The following MYH7B variants were observed in gnomAD, a reference collection of about 807,000 sequenced individuals.
MYH7B encodes myosin-7B.
MYH7B carries 205 observed loss-of-function variants against 234.5 expected under a neutral mutation model. The ratio of observed to expected loss-of-function variants is 0.87; its 90% CI spans 0.78 to 0.98. The LOEUF (loss-of-function observed/expected upper bound fraction) is 0.98, where lower values mean the gene tolerates loss of function less well. MYH7B is among the 50% of genes least tolerant of loss of function. The pLI, the probability that MYH7B is intolerant of heterozygous loss-of-function variation, is 0.00. For synonymous variants in MYH7B, 1,193 were observed against 1,105.0 expected (o/e 1.08, Z -1.58); for missense variants, 2,652 against 2,633.4 (o/e 1.01, Z -0.15).
In MYH7B at chr20:34,980,785, G is replaced by T. The variant is rs377012586; in HGVS notation, c.499+51G>T. ...AACCGCAGACCCCGACCTCGGTCCCGGGAGGCCTCTGTAAGGGACCCCCTT... is the reference window on the plus strand; with the variant it reads ...AACCGCAGACCCCGACCTCGGTCCCTGGAGGCCTCTGTAAGGGACCCCCTT... On this transcript the variant is annotated intron_variant, in intron 8 of 44. Coordinates refer to ENST00000262873, the Ensembl canonical transcript of MYH7B. The T allele has an allele frequency of 4.4e-6, 7 of 1,596,192 alleles. No individual in the cohort carries two copies. The Admixed American group carries it at 1.0e-4, about 23-fold the overall frequency.
chr20:34,966,008 G>A (rs983272740), intron 2 of MYH7B, among the ~76,000 whole-genome samples: 2 of 151,674 alleles, frequency 1.3e-5, no homozygotes, highest in Admixed American at 1.3e-4. Flanking sequence ...TCTTCTTGCT[G>A]TCCCTGAGAA....
intron 28 of MYH7B, 143 bp downstream of exon 28, chr20:34,995,721 C>A (rs1304899746): frequency 7.5e-7 from 1 of 1,341,996 alleles, no homozygotes; most frequent in African/African-American, 1.5e-5. Context: ...GCCTCAGTTT[C>A]TTTATCTGTC....
Position 34,997,181 on chromosome 20 carries a change from G to T in MYH7B, c.3357+8G>T. ...AAGATCAAGGAGCTGCAGGTGCGTG[G>T]GGATCGGGTGGGTGAGGCCTGGGGT... is the stretch of plus-strand genomic sequence containing the variant. On this transcript the variant is annotated splice_region_variant and intron_variant, in intron 31 of 44. Coordinates refer to ENST00000262873, the Ensembl canonical transcript of MYH7B. 6.5e-7 allele frequency: 1 copy of T among 1,550,292 alleles called. No individual in the cohort carries two copies. Among genetic ancestry groups the T allele is most frequent in the Admixed American group, 2.0e-5 (1 of 51,038 alleles).
chr20:35,001,542 C>G lies in MYH7B; in HGVS notation c.5676+16C>G. The G allele has an allele frequency of 6.3e-7, 1 of 1,582,378 alleles. No homozygotes were observed. Among genetic ancestry groups the G allele is most frequent in the Non-Finnish European group, 8.6e-7 (1 of 1,163,828 alleles). On this transcript the variant is annotated intron_variant, in intron 43 of 44. Transcript: ENST00000262873. ...TGAGGAGGCGGTGAGTGCGCTGGGG[C>G]CTGGACACCTGGACCGGGCACCCCA...
chr20:34,998,045 C>G lies in MYH7B; in HGVS notation c.3748-250C>G, dbSNP rs564708238. The stretch of plus-strand genomic sequence containing the variant: ...CTCTGACCATTGTCCCCAGGTGACT[C>G]CGCAGCTACCATCCCAACTCTCACC... On this transcript the variant is annotated intron_variant, in intron 32 of 44. Transcript: ENST00000262873. 7.2e-5 allele frequency among the ~76,000 whole-genome samples: 11 copies of G among 152,306 alleles called. No homozygotes were observed. The South Asian group carries it at 2.1e-3, about 29-fold the overall frequency.
At chr20:35,001,046 G>A (rs763076910) in exon 41 of MYH7B, 27 of 1,613,758 alleles carry the variant, frequency 1.7e-5, no homozygotes, top group Non-Finnish European at 2.1e-5. Context: ...CACCTGGAAC[G>A]GATGAAGAAG....
chr20:34,956,334 C>T (rs2081633523), intron 1 of MYH7B, among the ~76,000 whole-genome samples: 1 of 152,146 alleles, frequency 6.6e-6, no homozygotes, highest in African/African-American at 2.4e-5. Context: ...ATGCTGAAGT[C>T]AGGACTGTTT....
chr20:34,980,718 C>A lies in MYH7B; in HGVS notation c.483C>A (p.Tyr161Ter), dbSNP rs2147175634. ...TATATGCGGTGGCGGACAACGCCTA[C>A]AACGACATGCTGCGCAGTAAGGGCC... is the stretch of plus-strand genomic sequence containing the variant. Residue 161 changes from tyrosine to a stop codon, truncating the protein, a stop_gained, in exon 8 of 45, where the codon TAC becomes TAA. Transcript: ENST00000262873. LOFTEE classifies it high-confidence loss of function. The A allele has an allele frequency of 1.9e-6, 3 of 1,614,126 alleles. No homozygotes were observed. The highest frequency in any genetic ancestry group is 2.2e-5 in the South Asian group (2 of 91,084).
intron 2 of MYH7B, among the ~76,000 whole-genome samples, chr20:34,968,680 G>C (rs921066317): frequency 1.3e-5 from 2 of 152,202 alleles, no homozygotes; most frequent in Non-Finnish European, 2.9e-5. Flanking sequence ...GACCCCTGGG[G>C]GTACATCTTC....
intron 2 of MYH7B, among the ~76,000 whole-genome samples, chr20:34,971,134 G>A (rs917592703): frequency 2.0e-5 from 3 of 152,182 alleles, no homozygotes; most frequent in Non-Finnish European, 4.4e-5. Context: ...CGAAGTGAGA[G>A]GTTGTGCTGT....
intron 2 of MYH7B, among the ~76,000 whole-genome samples, chr20:34,969,286 G>T (rs1298729479): frequency 6.6e-6 from 1 of 152,102 alleles, no homozygotes; most frequent in African/African-American, 2.4e-5. Flanking sequence ...GATCATGCTG[G>T]AAGTGACCCT....
chr20:35,002,128 T>C, intron 44 of MYH7B, 43 bp downstream of exon 44: 1 of 1,608,442 alleles, frequency 6.2e-7, no homozygotes, highest in Non-Finnish European at 8.5e-7. Context: ...AGGGGGACTG[T>C]GGGGGCTGAC....
intron 19 of MYH7B, among the ~76,000 whole-genome samples, chr20:34,988,551 G>A (rs1050748725): frequency 6.6e-6 from 1 of 152,060 alleles, no homozygotes. Flanking sequence ...GCTCCTCCTG[G>A]GTGCTCAGAA....
At position 34,999,115 on chromosome 20, in the gene MYH7B, A is replaced by G. The variant is rs1315030580; in HGVS notation, c.4250A>G (p.Lys1417Arg). ...GAGGGCGTGGAGGCTGCCAACGCCA[A>G]GTGCTCATCGTTGGAGAAGGCCAAG... is the stretch of plus-strand genomic sequence containing the variant. The change falls in exon 36 of 45, where the codon AAG becomes AGG. Residue 1417 changes from lysine to arginine, a missense_variant. This residue lies in a region of MYH7B where 2,279 missense variants were observed against 2,211.4 expected (regional missense o/e 1.03). Coordinates refer to ENST00000262873, the Ensembl canonical transcript of MYH7B. The G allele has an allele frequency of 1.4e-5, 22 of 1,613,446 alleles. No homozygotes were observed. In the Admixed American group the frequency reaches 3.7e-4, roughly 27 times the overall value.
At chr20:34,977,738 G>GGGGGGGGGGGGGGGGGGGGGGCCCCCC in intron 4 of MYH7B, 58 bp downstream of exon 4, 1 of 317,150 alleles carries the variant, frequency 3.2e-6, no homozygotes, top group Non-Finnish European at 5.9e-6. Flanking sequence ...GGGCGGGTGG[G>GGGGGGGGGGGGGGGGGGGGGGCCCCCC]TGAGGGTGCC....
At chr20:34,976,613 TGGGGATCTGAA>T (rs1169324911) in intron 3 of MYH7B, among the ~76,000 whole-genome samples, 1 of 152,186 alleles carries the variant, frequency 6.6e-6, no homozygotes, top group Non-Finnish European at 1.5e-5. Flanking sequence ...ATCTTCAATG[TGGGGATCTGAA>T]GGGGCTCCTA....
exon 32 of MYH7B, chr20:34,997,504 C>T (rs1433415423): frequency 5.1e-6 from 8 of 1,580,188 alleles, no homozygotes; most frequent in African/African-American, 2.7e-5. Context: ...CGCAAGCAGG[C>T]GGAGGGCGCG....
exon 39 of MYH7B, chr20:35,000,617 C>A (rs369815363): frequency 1.3e-6 from 2 of 1,573,080 alleles, no homozygotes; most frequent in Non-Finnish European, 1.7e-6. Flanking sequence ...TGGAGCAGGG[C>A]GAGCGCAGCC....
intron 2 of MYH7B, among the ~76,000 whole-genome samples, chr20:34,966,651 T>G (rs1441080767): frequency 6.6e-6 from 1 of 152,168 alleles, no homozygotes; most frequent in Non-Finnish European, 1.5e-5. Context: ...CATGTAAAAC[T>G]GGGAAAATCT....
Sources: allele counts gnomAD v4.1 joint callset (sites outside exome capture counted in the v4.1 genomes callset), GRCh38; gene constraint gnomAD v4.1.1; regional missense constraint gnomAD v4.1.1; transcripts MANE v1.5; gene names NCBI Gene and HGNC (gene_info 2026-07-23, HGNC 2026-07-21).